The following CEMIP variants were observed in gnomAD, a reference collection of about 807,000 sequenced individuals.
CEMIP encodes cell migration-inducing and hyaluronan-binding protein.
CEMIP carries 105 observed loss-of-function variants against 156.9 expected under a neutral mutation model. That is an observed-to-expected ratio of 0.67 (90% CI 0.57 to 0.79). The LOEUF (loss-of-function observed/expected upper bound fraction) is 0.79. CEMIP is among the 30% of genes least tolerant of loss of function. The pLI is 0.00. For missense variants in CEMIP, 1,457 were observed against 1,769.4 expected (o/e 0.82, Z 3.17); for synonymous variants, 676 against 668.4 (o/e 1.01, Z -0.17).
rs1900949407 is a variant in CEMIP at position 80,932,323 on chromosome 15, G to GGCTGTT, written c.2793+285_2793+290dup. 6.6e-6 allele frequency among the ~76,000 whole-genome samples: 1 copy of GGCTGTT among 152,186 alleles called. No homozygotes were observed. The highest frequency in any genetic ancestry group is 2.4e-5 in the African/African-American group (1 of 41,438). On this transcript the variant is annotated intron_variant, in intron 22 of 29. Coordinates refer to ENST00000394685, the MANE Select transcript of CEMIP (RefSeq NM_001293298.2). This position sits in a 1 kb window ranked among gnomAD's most constrained non-coding sequence, Gnocchi z 4.5. ...CCCGACGTGTGGACTGAGGTTCCTA[G>GGCTGTT]GCTGTTCCTCCAAGGGACTTGACTT...
At chr15:80,856,551 G>A (rs546025884) in intron 1 of CEMIP, among the ~76,000 whole-genome samples, 6 of 152,290 alleles carry the variant, frequency 3.9e-5, no homozygotes, top group Admixed American at 1.3e-4. Context: ...AGGGGAAAGC[G>A]ATTATGTGGA....
chr15:80,802,001 G>C (rs1896389236), intron 1 of CEMIP, among the ~76,000 whole-genome samples: 1 of 152,210 alleles, frequency 6.6e-6, no homozygotes, highest in Non-Finnish European at 1.5e-5. Flanking sequence ...TTAGGGACTT[G>C]AGCATCTGGA....
chr15:80,792,345 T>A lies in CEMIP; in HGVS notation c.-176+12731T>A, dbSNP rs577369887. Among the ~76,000 whole-genome samples, 3 of 152,314 alleles carry A rather than the reference T, an allele frequency of 2.0e-5. No homozygotes were observed. The South Asian group carries it at 6.2e-4, about 32-fold the overall frequency. On this transcript the variant is annotated intron_variant, in intron 1 of 29. Coordinates refer to ENST00000394685, the MANE Select transcript of CEMIP (RefSeq NM_001293298.2). The stretch of plus-strand genomic sequence containing the variant: ...TTTGCATGCTGTCTACTTTATATCT[T>A]CCTTGGGTTGTAGAATATTAGAGCT...
chr15:80,801,997 A>G (rs947503664), intron 1 of CEMIP, among the ~76,000 whole-genome samples: 3 of 152,176 alleles, frequency 2.0e-5, no homozygotes, highest in Non-Finnish European at 4.4e-5. Context: ...TATATTAGGG[A>G]CTTGAGCATC....
rs976814008 is a variant in CEMIP at position 80,949,827 on chromosome 15, T to G, written c.*903T>G. The G allele has an allele frequency of 7.2e-5, 11 of 152,122 alleles. No homozygotes were observed. The highest frequency in any genetic ancestry group is 4.4e-5 in the Non-Finnish European group (3 of 68,054). The allele number at this position is 152,122 out of a possible 1,614,324, so 9.4% of individuals were successfully genotyped here. A position where few individuals can be genotyped will look rare whatever the true frequency, so the allele number is the denominator to read the frequency against. ...CAGGAAGGCTTCTTGCTTACAGGAA[T>G]GAAGGCTGGGGGCATTTTGCTGGGG... is the stretch of plus-strand genomic sequence containing the variant. On this transcript the variant is annotated 3_prime_UTR_variant, in exon 30 of 30. Coordinates refer to ENST00000394685, the MANE Select transcript of CEMIP (RefSeq NM_001293298.2).
At chr15:80,860,316 G>A (rs1173626072) in intron 1 of CEMIP, among the ~76,000 whole-genome samples, 1 of 152,218 alleles carries the variant, frequency 6.6e-6, no homozygotes, top group Admixed American at 6.5e-5. Context: ...TGTGTATGGT[G>A]TGGCACACTT....
chr15:80,878,720 G>A lies in CEMIP; in HGVS notation c.95-1G>A. On this transcript the variant is annotated splice_acceptor_variant, in intron 3 of 29. Coordinates refer to ENST00000394685, the MANE Select transcript of CEMIP (RefSeq NM_001293298.2). LOFTEE classifies it high-confidence loss of function. ...CAGTGACATCTCTCTGTCCTTGGCA[G>A]TGGCTGCTGGGTGCCCTGACCAGAG... The A allele has an allele frequency of 1.2e-6, 2 of 1,614,134 alleles. No homozygotes were observed. The highest frequency in any genetic ancestry group is 1.7e-6 in the Non-Finnish European group (2 of 1,180,024).
intron 1 of CEMIP, among the ~76,000 whole-genome samples, chr15:80,849,234 C>T (rs1052351318): frequency 8.6e-5 from 13 of 151,956 alleles, no homozygotes; most frequent in African/African-American, 3.1e-4. Context: ...CTGCCTTGGC[C>T]TCCCAAAGTG....
At chr15:80,790,382 A>T (rs1596089726) in intron 1 of CEMIP, among the ~76,000 whole-genome samples, 1 of 152,160 alleles carries the variant, frequency 6.6e-6, no homozygotes, top group East Asian at 1.9e-4. Flanking sequence ...AGAGGTCTGT[A>T]CTCCTGTGGC....
In CEMIP at chr15:80,951,632, G is replaced by T. The variant is rs1483273394; in HGVS notation, c.*2708G>T. ...TGTGCACTTCAAGAAGTCACTGTCA[G>T]AGAAATAAAGAATTGTCTTAAATGT... On this transcript the variant is annotated 3_prime_UTR_variant, in exon 30 of 30. Coordinates refer to ENST00000394685, the MANE Select transcript of CEMIP (RefSeq NM_001293298.2). 1 of 152,594 alleles carries T rather than the reference G, an allele frequency of 6.6e-6. No homozygotes were observed. The highest frequency in any genetic ancestry group is 1.5e-5 in the Non-Finnish European group (1 of 68,036). 9.5% of individuals were successfully genotyped at this position (152,594 alleles called of 1,614,324 possible).
chr15:80,926,820 G>GT (rs1491500749), intron 19 of CEMIP, among the ~76,000 whole-genome samples: 1 of 83,788 alleles, frequency 1.2e-5, no homozygotes, highest in African/African-American at 1.5e-4. Flanking sequence ...CTGAGCGGGT[G>GT]GGGGGGGGGG....
At chr15:80,876,287 A>G (rs1898474596) in intron 3 of CEMIP, among the ~76,000 whole-genome samples, 1 of 152,166 alleles carries the variant, frequency 6.6e-6, no homozygotes. Flanking sequence ...TCTGGAGATA[A>G]AACCAGCAGT....
Position 80,889,541 on chromosome 15 carries a change from C to G in CEMIP, c.1035C>G (p.Asp345Glu), listed in dbSNP as rs753942997. The change falls in exon 10 of 30, where the codon GAC (aspartate) becomes GAG (glutamate). Residue 345 changes from aspartate (D) to glutamate (E), a missense_variant. This residue lies in a region of CEMIP where 280 missense variants were observed against 300.3 expected (regional missense o/e 0.93). Coordinates refer to ENST00000394685, the MANE Select transcript of CEMIP (RefSeq NM_001293298.2). ...CTAAAGGTGGGGAGAAAATTTCAGA[C>G]CTCTGGAAAGCTCACCCAGGAAAAA... ...SQTKGGEKIS[D>E]LWKAHPGKIC... 6.2e-7 allele frequency: 1 copy of G among 1,614,148 alleles called. No individual in the cohort carries two copies. Among genetic ancestry groups the G allele is most frequent in the African/African-American group, 1.3e-5 (1 of 75,044 alleles).
At chr15:80,792,822 C>CA (rs1260956405) in intron 1 of CEMIP, among the ~76,000 whole-genome samples, 1 of 152,140 alleles carries the variant, frequency 6.6e-6, no homozygotes, top group Non-Finnish European at 1.5e-5. Context: ...TGGTGTCTGT[C>CA]AAGCTCAACA....
chr15:80,932,088 G>C lies in CEMIP; in HGVS notation c.2793+49G>C. 1 of 1,598,744 alleles carries C rather than the reference G, an allele frequency of 6.3e-7. No individual in the cohort carries two copies. The highest frequency in any genetic ancestry group is 8.5e-7 in the Non-Finnish European group (1 of 1,173,944). On this transcript the variant is annotated intron_variant, in intron 22 of 29. Transcript: ENST00000394685. The surrounding 1 kb of genome is among the most constrained non-coding windows in gnomAD (Gnocchi z 4.5). ...TCCCGGCAAACCCAGACTTTGGATGGTGATTCACAAGTCCCCTGGGTCCCA... is the reference window on the plus strand; with the variant it reads ...TCCCGGCAAACCCAGACTTTGGATGCTGATTCACAAGTCCCCTGGGTCCCA...
At chr15:80,837,977 T>C (rs753996139) in intron 1 of CEMIP, among the ~76,000 whole-genome samples, 7 of 152,224 alleles carry the variant, frequency 4.6e-5, no homozygotes, top group Non-Finnish European at 1.0e-4. Flanking sequence ...CTTTCTCCCA[T>C]GGACTCCTAC....
intron 13 of CEMIP, among the ~76,000 whole-genome samples, chr15:80,907,289 G>A (rs958808737): frequency 2.6e-5 from 4 of 152,250 alleles, no homozygotes; most frequent in East Asian, 1.9e-4. Context: ...TTGGCTGGGC[G>A]TGGTGGCTCC....
intron 21 of CEMIP, among the ~76,000 whole-genome samples, chr15:80,929,784 C>T (rs757847644): frequency 5.9e-5 from 9 of 152,234 alleles, no homozygotes; most frequent in Non-Finnish European, 8.8e-5. Flanking sequence ...CAGATATGCT[C>T]AACAACAGAA....
At chr15:80,841,010 C>A (rs1897399615) in intron 1 of CEMIP, among the ~76,000 whole-genome samples, 1 of 152,298 alleles carries the variant, frequency 6.6e-6, no homozygotes, top group Non-Finnish European at 1.5e-5. Flanking sequence ...TATCCTGGAA[C>A]CTGGAGCCAC....
Sources: gnomAD v4.1 joint callset for allele counts (sites outside exome capture counted in the v4.1 genomes callset) on GRCh38, gnomAD v4.1.1 for gene constraint, gnomAD v4.1.1 regional missense constraint, Gnocchi (gnomAD v3.1) non-coding constraint, MANE v1.5 for transcripts, NCBI Gene and HGNC (gene_info 2026-07-23, HGNC 2026-07-21) for gene names.